Variants in TRAPPC8 observed in about 807,000 individuals in gnomAD.
TRAPPC8 encodes the protein trafficking protein particle complex subunit 8.
Under a neutral mutation model 174.3 loss-of-function variants are expected in TRAPPC8, and 54 were observed. The ratio of observed to expected loss-of-function variants is 0.31; its 90% CI spans 0.25 to 0.39. The LOEUF is 0.39. Ranked by LOEUF, TRAPPC8 falls within the 10% of genes least tolerant of loss-of-function variation. TRAPPC8 has a pLI of 1.00. For missense variants in TRAPPC8, 1,531 were observed against 1,699.1 expected, an observed-to-expected ratio of 0.90 and a Z score of 1.74; for synonymous variants, 630 against 579.9, an observed-to-expected ratio of 1.09 and a Z score of -1.24.
At position 31,830,805 on chromosome 18, in the gene TRAPPC8, T is replaced by C; in HGVS notation, c.4258A>G (p.Thr1420Ala). The change falls in exon 29 of 29, where the codon ACA (threonine) becomes GCA (alanine). Residue 1420 changes from threonine (T) to alanine (A), a missense_variant. Transcript: ENST00000283351. Reference protein sequence around the residue: ...KLSDQVTVFETSQQNSMPALI... With the variant: ...KLSDQVTVFEASQQNSMPALI... ...GCAGGCATGGAATTCTGCTGACTTG[T>C]TTCAAACACTGTAACTTGGTCCGAT... The C allele has an allele frequency of 6.2e-7, 1 of 1,614,226 alleles. No homozygotes were observed. The highest frequency in any genetic ancestry group is 8.5e-7 in the Non-Finnish European group (1 of 1,180,040).
intron 22 of TRAPPC8, 133 bp from the exon 23 acceptor site, chr18:31,852,796 CTT>C: frequency 5.2e-6 from 4 of 776,050 alleles, no homozygotes; most frequent in Middle Eastern, 7.6e-4. Flanking sequence ...TGAAGAACAT[CTT>C]TGTTTTTATC....
In TRAPPC8 at chr18:31,933,300, C is replaced by CAA. The variant is rs770309579; in HGVS notation, c.158-1779_158-1778dup. 7.9e-4 allele frequency among the ~76,000 whole-genome samples: 72 copies of CAA among 91,546 alleles called. 1 individual carries two copies. The highest frequency in any genetic ancestry group is 6.3e-3 in the Middle Eastern group (1 of 160). 60.1% of individuals were successfully genotyped at this position (91,546 alleles called of 152,430 possible). ...TGGGCAACAGAGCGAGACTCCGTCTCAAAAAAAAAAAAAAAAAAAAGGAGT... is the reference window on the plus strand; with the variant it reads ...TGGGCAACAGAGCGAGACTCCGTCTCAAAAAAAAAAAAAAAAAAAAAAGGAGT... On this transcript the variant is annotated intron_variant, in intron 1 of 28. Coordinates refer to ENST00000283351, the MANE Select transcript of TRAPPC8 (RefSeq NM_014939.5).
intron 13 of TRAPPC8, chr18:31,874,065 A>C (rs1568072784): frequency 9.6e-6 from 2 of 208,920 alleles, no homozygotes; most frequent in Non-Finnish European, 1.9e-5. Context: ...TAGCCTGTCT[A>C]CTTTCCACAG....
chr18:31,925,126 C>A (rs1270670264), intron 2 of TRAPPC8, among the ~76,000 whole-genome samples: 1 of 151,970 alleles, frequency 6.6e-6, no homozygotes, highest in Non-Finnish European at 1.5e-5. Context: ...TTCTTATACT[C>A]AGTCAGGGTT....
intron 26 of TRAPPC8, 120 bp downstream of exon 26, chr18:31,846,596 C>G (rs2033417761): frequency 1.2e-6 from 1 of 805,414 alleles, no homozygotes; most frequent in Non-Finnish European, 2.0e-6. Context: ...CAAAAAAAAC[C>G]AAAAAACAAA....
At chr18:31,853,094 TTAAG>T (rs1350108341) in intron 22 of TRAPPC8, among the ~76,000 whole-genome samples, 1 of 152,178 alleles carries the variant, frequency 6.6e-6, no homozygotes, top group Non-Finnish European at 1.5e-5. Flanking sequence ...AAATGGTACT[TTAAG>T]TAATTTCTGG....
At chr18:31,888,223 A>G (rs998517017) in intron 12 of TRAPPC8, among the ~76,000 whole-genome samples, 1 of 152,232 alleles carries the variant, frequency 6.6e-6, no homozygotes, top group Admixed American at 6.5e-5. Context: ...ATTTCATGGC[A>G]GTCAGAATGG....
chr18:31,923,984 T>G (rs2037501045), intron 2 of TRAPPC8, among the ~76,000 whole-genome samples: 1 of 151,930 alleles, frequency 6.6e-6, no homozygotes, highest in Non-Finnish European at 1.5e-5. Flanking sequence ...CTGCCTCTAC[T>G]AAAAAAATAC....
chr18:31,901,403 A>C (rs1452517020), intron 9 of TRAPPC8, among the ~76,000 whole-genome samples: 1 of 152,212 alleles, frequency 6.6e-6, no homozygotes, highest in Non-Finnish European at 1.5e-5. Context: ...TCCTTGGCCA[A>C]CTGGTCTCAG....
chr18:31,837,910 T>C (rs1434033406), intron 27 of TRAPPC8, among the ~76,000 whole-genome samples: 1 of 145,482 alleles, frequency 6.9e-6, no homozygotes. Flanking sequence ...ATTCTACTTA[T>C]ATAAAGATTA....
chr18:31,908,524 T>A, intron 7 of TRAPPC8, 106 bp from the exon 8 acceptor site: 1 of 919,820 alleles, frequency 1.1e-6, no homozygotes, highest in Non-Finnish European at 1.5e-6. Flanking sequence ...TTCATTTTAA[T>A]AAAACTGATT....
chr18:31,884,851 TAA>T (rs917876620), intron 12 of TRAPPC8, among the ~76,000 whole-genome samples: 68 of 150,518 alleles, frequency 4.5e-4, no homozygotes, highest in African/African-American at 1.5e-3. Flanking sequence ...TTAAAAAAAT[TAA>T]GTTTTTTTTT....
intron 12 of TRAPPC8, among the ~76,000 whole-genome samples, chr18:31,878,960 A>G (rs563997822): frequency 7.2e-4 from 109 of 152,320 alleles, no homozygotes; most frequent in Non-Finnish European, 1.2e-3. Flanking sequence ...TCAATACCAG[A>G]GCATCCAAAT....
intron 2 of TRAPPC8, among the ~76,000 whole-genome samples, chr18:31,918,840 C>T (rs1379850825): frequency 2.6e-5 from 4 of 152,158 alleles, no homozygotes; most frequent in African/African-American, 4.8e-5. Flanking sequence ...TTTGAACTTA[C>T]GTAAAACTTA....
At chr18:31,868,933 T>C (rs2034713472) in intron 16 of TRAPPC8, among the ~76,000 whole-genome samples, 1 of 151,770 alleles carries the variant, frequency 6.6e-6, no homozygotes, top group Non-Finnish European at 1.5e-5. Flanking sequence ...AGACTTAAAA[T>C]AAGGCAATCT....
rs180857068 is a variant in TRAPPC8, at chr18:31,905,774, C to T, written c.1389+1686G>A. 3.3e-5 allele frequency among the ~76,000 whole-genome samples: 5 copies of T among 152,166 alleles called. No homozygotes were observed. The East Asian group carries it at 9.7e-4, about 29-fold the overall frequency. ...CATATATCATCTAAGAATAAATATG[C>T]CTTTATTTTCCAGTGCTATATTATT... On this transcript the variant is annotated intron_variant, in intron 9 of 28. Coordinates refer to ENST00000283351, the MANE Select transcript of TRAPPC8 (RefSeq NM_014939.5).
In TRAPPC8 at chr18:31,829,517, A is replaced by T. The variant is rs1598567514; in HGVS notation, c.*1238T>A. On this transcript the variant is annotated 3_prime_UTR_variant, in exon 29 of 29. Coordinates refer to ENST00000283351, the MANE Select transcript of TRAPPC8 (RefSeq NM_014939.5). ...AGACCCACTTAAGATCCAGAAGCATAAGCAGCAGTTGCAGAGAGGCACACA... is the reference window on the plus strand; with the variant it reads ...AGACCCACTTAAGATCCAGAAGCATTAGCAGCAGTTGCAGAGAGGCACACA... The T allele has an allele frequency of 1.3e-5, 2 of 152,288 alleles. No homozygotes were observed. The highest frequency in any genetic ancestry group is 4.8e-5 in the African/African-American group (2 of 41,458). 9.4% of individuals were successfully genotyped at this position (152,288 alleles called of 1,614,324 possible).
At position 31,853,921 on chromosome 18, in the gene TRAPPC8, G is replaced by GACCACC; in HGVS notation, c.3360_3361insGGTGGT (p.Phe1120_His1121insGlyGly). The GACCACC allele has an allele frequency of 6.2e-7, 1 of 1,610,418 alleles. No individual in the cohort carries two copies. Among genetic ancestry groups the GACCACC allele is most frequent in the Non-Finnish European group, 8.5e-7 (1 of 1,179,240 alleles). On this transcript the variant is annotated inframe_insertion, in exon 22 of 29. Transcript: ENST00000283351. The stretch of plus-strand genomic sequence containing the variant: ...CTACTACTTGATACTTGCACTATGT[G>GACCACC]GAATTCCTTAACGCCTGCTTCACTC...
intron 2 of TRAPPC8, among the ~76,000 whole-genome samples, chr18:31,919,591 A>C (rs149044354): frequency 4.9e-4 from 32 of 65,036 alleles, no homozygotes; most frequent in African/African-American, 1.3e-3. Context: ...TAAATAAATA[A>C]AATAATAATA....
Sources: gnomAD v4.1 joint callset for allele counts (sites outside exome capture counted in the v4.1 genomes callset) on GRCh38, gnomAD v4.1.1 for gene constraint, MANE v1.5 for transcripts, NCBI Gene and HGNC (gene_info 2026-07-23, HGNC 2026-07-21) for gene names.